Variants in LRBA observed in about 807,000 individuals in gnomAD.
LRBA encodes the protein lipopolysaccharide-responsive and beige-like anchor protein.
LRBA carries 176 observed loss-of-function variants against 330.0 expected under a neutral mutation model. That is an observed-to-expected ratio of 0.53 (90% confidence interval 0.47 to 0.60). The LOEUF (loss-of-function observed/expected upper bound fraction) is 0.60. Among genes scored for constraint, LRBA ranks in the 20% least tolerant of loss-of-function variants. The probability of loss-of-function intolerance (pLI) is 0.00; values close to 1 mark genes in which losing one functional copy is unlikely to be tolerated. For missense variants in LRBA, 3,259 were observed against 3,444.8 expected (o/e 0.95, Z 1.35); for synonymous variants, 1,230 against 1,193.0 (o/e 1.03, Z -0.64).
Position 150,831,867 on chromosome 4 carries a change from C to T in LRBA, c.4679G>A (p.Ser1560Asn). Residue 1560 changes from serine to asparagine, a missense_variant, in exon 29 of 57, where the codon AGC becomes AAC. Ser to Asn is a conservative substitution (Grantham distance 46). Transcript: ENST00000651943. ...ACTGCCAGTTTCTGTACATGACTGG[C>T]TATGCCTTTCATTTTGGGGTTCCAA... is the stretch of plus-strand genomic sequence containing the variant. Reference protein sequence around the residue: ...DILEPQNERHSQSCTETGSEN... With the variant: ...DILEPQNERHNQSCTETGSEN... 1 of 1,604,992 alleles carries T rather than the reference C, an allele frequency of 6.2e-7. No homozygotes were observed. The highest frequency in any genetic ancestry group is 1.1e-5 in the South Asian group (1 of 89,046).
intron 37 of LRBA, among the ~76,000 whole-genome samples, chr4:150,672,874 C>T (rs1277883272): frequency 6.6e-6 from 1 of 152,036 alleles, no homozygotes; most frequent in Non-Finnish European, 1.5e-5. Flanking sequence ...AGTTCCATAA[C>T]AAATCTATTT....
intron 5 of LRBA, among the ~76,000 whole-genome samples, chr4:150,920,365 A>G (rs1366846830): frequency 1.3e-5 from 2 of 152,170 alleles, no homozygotes; most frequent in Non-Finnish European, 2.9e-5. Flanking sequence ...CCTGGCCAAC[A>G]TGGCAAAACC....
intron 40 of LRBA, among the ~76,000 whole-genome samples, chr4:150,558,603 T>C (rs72736311): frequency 0.019 from 2,857 of 152,236 alleles, 40 homozygotes; most frequent in South Asian, 0.035. Flanking sequence ...CAACCATTTC[T>C]CTGGGGAGTC....
At chr4:150,943,584 T>G (rs993678899) in intron 2 of LRBA, among the ~76,000 whole-genome samples, 5 of 152,218 alleles carry the variant, frequency 3.3e-5, no homozygotes, top group Non-Finnish European at 5.9e-5. Flanking sequence ...TAACTATGTT[T>G]TAAGCAAACA....
chr4:150,330,034 T>G (rs1216454856), intron 48 of LRBA, among the ~76,000 whole-genome samples: 1 of 152,190 alleles, frequency 6.6e-6, no homozygotes, highest in Non-Finnish European at 1.5e-5. Flanking sequence ...CTCGCCTTTA[T>G]GCAATATTTC....
intron 48 of LRBA, among the ~76,000 whole-genome samples, chr4:150,330,253 T>C (rs2126963880): frequency 6.6e-6 from 1 of 152,314 alleles, no homozygotes; most frequent in East Asian, 1.9e-4. Context: ...CCTCCTAGAA[T>C]GGTCACTCTT....
intron 36 of LRBA, chr4:150,721,037 G>A (rs577809795): frequency 3.1e-5 from 17 of 552,056 alleles, no homozygotes; most frequent in South Asian, 1.0e-4. Context: ...AACAGAAGGC[G>A]ATCAAGGCCA....
At chr4:150,944,036 A>AC (rs1418646911) in intron 2 of LRBA, among the ~76,000 whole-genome samples, 2 of 152,310 alleles carry the variant, frequency 1.3e-5, no homozygotes, top group African/African-American at 4.8e-5. Context: ...AGTAACCCTG[A>AC]AAGCAAGTCC....
intron 11 of LRBA, among the ~76,000 whole-genome samples, chr4:150,907,196 T>G (rs1459635160): frequency 3.1e-5 from 4 of 129,130 alleles, no homozygotes; most frequent in Admixed American, 1.6e-4. Flanking sequence ...TCCACATCAG[T>G]GCTTTCACTG....
At chr4:150,471,317 C>T (rs143631484) in intron 43 of LRBA, among the ~76,000 whole-genome samples, 2 of 152,190 alleles carry the variant, frequency 1.3e-5, no homozygotes, top group East Asian at 3.9e-4. Flanking sequence ...TTATTTTCTC[C>T]TTACTCCCAC....
intron 35 of LRBA, among the ~76,000 whole-genome samples, chr4:150,760,909 C>T (rs1471777628): frequency 5.9e-5 from 9 of 152,134 alleles, no homozygotes; most frequent in African/African-American, 2.2e-4. Context: ...ATACTCTTTT[C>T]GCCCTTTTCC....
At chr4:150,575,249 A>T (rs1489049152) in intron 40 of LRBA, among the ~76,000 whole-genome samples, 1 of 151,962 alleles carries the variant, frequency 6.6e-6, no homozygotes, top group Non-Finnish European at 1.5e-5. Context: ...TCTTCCATAC[A>T]TAGATTACAA....
At chr4:150,700,664 T>C (rs4416458) in intron 36 of LRBA, among the ~76,000 whole-genome samples, 139,970 of 152,246 alleles carry the variant, frequency 0.92, 64,525 homozygotes, top group Non-Finnish European at 0.94. Context: ...TTTTTTAAAA[T>C]TGTTTAACTC....
Position 150,637,980 on chromosome 4 carries a change from A to T in LRBA, c.5922-38849T>A, listed in dbSNP as rs533087761. Among the ~76,000 whole-genome samples, 6 of 152,296 alleles carry T rather than the reference A, an allele frequency of 3.9e-5. No individual in the cohort carries two copies. The South Asian group carries it at 6.2e-4, about 16-fold the overall frequency. On this transcript the variant is annotated intron_variant, in intron 37 of 56. Coordinates refer to ENST00000651943, the MANE Select transcript of LRBA (RefSeq NM_001364905.1). ...TGGGTTCCGACTACCAATTTCTATT[A>T]AAAAAATTCTGAAACTTACATAGGG...
chr4:150,337,542 T>C (rs983486264), intron 48 of LRBA, among the ~76,000 whole-genome samples: 30 of 152,212 alleles, frequency 2.0e-4, no homozygotes, highest in African/African-American at 7.0e-4. Flanking sequence ...GTATTTTAAA[T>C]GTAGGTTTTC....
intron 40 of LRBA, among the ~76,000 whole-genome samples, chr4:150,494,047 G>T (rs1759275441): frequency 6.6e-6 from 1 of 151,946 alleles, no homozygotes; most frequent in South Asian, 2.1e-4. Flanking sequence ...TTGCGCCACT[G>T]CACTCCAGCC....
In LRBA at chr4:150,765,530, T is replaced by C. The variant is rs7684830; in HGVS notation, c.5581-3683A>G. Among the ~76,000 whole-genome samples, 698 of 151,440 alleles carry C rather than the reference T, an allele frequency of 4.6e-3. 6 individuals carry two copies. Among genetic ancestry groups the C allele is most frequent in the African/African-American group, 0.016 (667 of 40,810 alleles). On this transcript the variant is annotated intron_variant, in intron 34 of 56. Transcript: ENST00000651943. ...GGGAAAGGGAAATGTGGGAAATCTC[T>C]ACCTTTTGATGAATTTTGCTGTGAA... is the stretch of plus-strand genomic sequence containing the variant.
At chr4:150,743,969 G>A (rs984248932) in intron 35 of LRBA, among the ~76,000 whole-genome samples, 1 of 152,150 alleles carries the variant, frequency 6.6e-6, no homozygotes, top group African/African-American at 2.4e-5. Context: ...CTCCAGCTCT[G>A]TCAGACTCTC....
intron 36 of LRBA, among the ~76,000 whole-genome samples, chr4:150,693,086 A>G (rs1443516878): frequency 6.6e-6 from 1 of 152,230 alleles, no homozygotes; most frequent in African/African-American, 2.4e-5. Context: ...AAATAATCCA[A>G]TTACCTATCA....
Sources: allele counts gnomAD v4.1 joint callset (sites outside exome capture counted in the v4.1 genomes callset), GRCh38; gene constraint gnomAD v4.1.1; transcripts MANE v1.5; gene names NCBI Gene and HGNC (gene_info 2026-07-23, HGNC 2026-07-21).